The following STUM variants were observed in gnomAD, a reference collection of about 807,000 sequenced individuals.
STUM encodes stum, mechanosensory transduction mediator homolog.
STUM carries 8 observed loss-of-function variants against 15.3 expected under a neutral mutation model. That is an observed-to-expected ratio of 0.52 (90% CI 0.31 to 0.94). The LOEUF is 0.94. Ranked by LOEUF, STUM falls within the 40% of genes least tolerant of loss-of-function variation. STUM has a pLI of 0.05. For missense variants in STUM, 142 were observed against 204.9 expected, an observed-to-expected ratio of 0.69 and a Z score of 1.87; for synonymous variants, 78 against 88.7, an observed-to-expected ratio of 0.88 and a Z score of 0.68.
At position 226,555,089 on chromosome 1, in the gene STUM, C is replaced by G. The variant is rs192057940; in HGVS notation, c.202+5983C>G. Reference sequence around the variant, plus strand: ...TTTACTTGGCTTCTACAGCACTACTCCCTCCTAGTTTTCTTTTTACCTCAA... The same window carrying G: ...TTTACTTGGCTTCTACAGCACTACTGCCTCCTAGTTTTCTTTTTACCTCAA... On this transcript the variant is annotated intron_variant, in intron 1 of 3. Coordinates refer to ENST00000366788, the MANE Select transcript of STUM (RefSeq NM_001003665.4). Among the ~76,000 whole-genome samples the G allele has an allele frequency of 7.2e-5, 11 of 152,288 alleles. No individual in the cohort carries two copies. The East Asian group carries it at 2.1e-3, about 29-fold the overall frequency.
intron 1 of STUM, among the ~76,000 whole-genome samples, chr1:226,556,181 C>T (rs1031081034): frequency 3.3e-5 from 5 of 152,136 alleles, no homozygotes; most frequent in South Asian, 2.1e-4. Flanking sequence ...GGTCAGTTAA[C>T]GATGATACAG....
At position 226,606,088 on chromosome 1, in the gene STUM, C is replaced by T. The variant is rs1040249887; in HGVS notation, c.*4048C>T. 1 of 152,232 alleles carries T rather than the reference C, an allele frequency of 6.6e-6. No individual in the cohort carries two copies. Among genetic ancestry groups the T allele is most frequent in the Admixed American group, 6.5e-5 (1 of 15,292 alleles). 9.4% of individuals were successfully genotyped at this position (152,232 alleles called of 1,614,324 possible). The stretch of plus-strand genomic sequence containing the variant: ...TCCCCTGGAGGGCAAAGGGGTCCGG[C>T]TCTCAAAAAGAAAAGCCAGGCACAG... On this transcript the variant is annotated 3_prime_UTR_variant, in exon 4 of 4. Coordinates refer to ENST00000366788, the MANE Select transcript of STUM (RefSeq NM_001003665.4).
chr1:226,568,875 A>G (rs1246834259), intron 1 of STUM, among the ~76,000 whole-genome samples: 8 of 152,102 alleles, frequency 5.3e-5, no homozygotes, highest in Non-Finnish European at 8.8e-5. Context: ...CTCTAGAAGT[A>G]AGGATAAGCA....
chr1:226,600,757 A>T lies in STUM; in HGVS notation c.391+83A>T, dbSNP rs991187037. 4.1e-6 allele frequency: 6 copies of T among 1,454,594 alleles called. No homozygotes were observed. The African/African-American group carries it at 8.4e-5, about 20-fold the overall frequency. 90.1% of individuals were successfully genotyped at this position (1,454,594 alleles called of 1,614,324 possible). ...CCGAGACCCCCACTCCTGCACACAA[A>T]CACCCCACCCACTCTCCCAGTGGGT... On this transcript the variant is annotated intron_variant, in intron 3 of 3. Coordinates refer to ENST00000366788, the MANE Select transcript of STUM (RefSeq NM_001003665.4). The surrounding 1 kb of genome is among the most constrained non-coding windows in gnomAD (Gnocchi z 5.2).
intron 1 of STUM, among the ~76,000 whole-genome samples, chr1:226,560,174 A>G (rs553815325): frequency 6.6e-6 from 1 of 152,196 alleles, no homozygotes; most frequent in Non-Finnish European, 1.5e-5. Flanking sequence ...CACACAAAGT[A>G]TATGATTCAG....
intron 1 of STUM, among the ~76,000 whole-genome samples, chr1:226,569,300 T>C (rs1667669618): frequency 1.3e-5 from 2 of 152,226 alleles, no homozygotes; most frequent in Admixed American, 1.3e-4. Flanking sequence ...CTTATTATTA[T>C]TATCCTTAGA....
At chr1:226,577,942 T>C (rs1195875027) in intron 1 of STUM, among the ~76,000 whole-genome samples, 1 of 152,208 alleles carries the variant, frequency 6.6e-6, no homozygotes, top group Admixed American at 6.5e-5. Context: ...TGGGAGGGCC[T>C]GGCCTACCCT....
At chr1:226,589,719 C>CAGGAACAGCATGCG (rs1558285915) in intron 1 of STUM, among the ~76,000 whole-genome samples, 1 of 151,276 alleles carries the variant, frequency 6.6e-6, no homozygotes, top group African/African-American at 2.4e-5. Context: ...GCTGGGACCT[C>CAGGAACAGCATGCG]CAGGAACAGC....
intron 1 of STUM, among the ~76,000 whole-genome samples, chr1:226,560,873 C>T (rs946401942): frequency 6.6e-6 from 1 of 152,248 alleles, no homozygotes; most frequent in African/African-American, 2.4e-5. Context: ...CCATTGTCCA[C>T]TGAACCAAGT....
chr1:226,591,589 C>G (rs1668085931), intron 1 of STUM, among the ~76,000 whole-genome samples: 1 of 152,208 alleles, frequency 6.6e-6, no homozygotes, highest in Non-Finnish European at 1.5e-5. Context: ...CAAGAACAGG[C>G]AGGTACTCAG....
rs776251071 is a variant in STUM at position 226,596,810 on chromosome 1, G to C, written c.211G>C (p.Val71Leu). The C allele has an allele frequency of 6.2e-7, 1 of 1,610,500 alleles. No individual in the cohort carries two copies. The highest frequency in any genetic ancestry group is 1.7e-5 in the Admixed American group (1 of 59,948). ...CCTCTGGCCTCTCACAGGGACATTC[G>C]TCTCGGCCTTCACTGTGCTGTGCGG... ...NTFVPGLGTFVSAFTVLCGAR... is the reference protein window; with the variant it reads ...NTFVPGLGTFLSAFTVLCGAR... The change falls in exon 2 of 4, where the codon GTC becomes CTC. Residue 71 changes from valine (V) to leucine (L), a missense_variant. Physicochemically the swap from Val to Leu is conservative, Grantham distance 32. Transcript: ENST00000366788.
At chr1:226,591,168 TA>T (rs1668079496) in intron 1 of STUM, among the ~76,000 whole-genome samples, 1 of 152,246 alleles carries the variant, frequency 6.6e-6, no homozygotes, top group African/African-American at 2.4e-5. Context: ...CTGAAGAGAT[TA>T]AAACAGTTTT....
At chr1:226,564,308 A>G (rs993974754) in intron 1 of STUM, among the ~76,000 whole-genome samples, 1 of 152,188 alleles carries the variant, frequency 6.6e-6, no homozygotes, top group Admixed American at 6.5e-5. Context: ...TCCTCAGGAA[A>G]TGCTTGGAGG....
chr1:226,558,973 C>G (rs574805467), intron 1 of STUM, among the ~76,000 whole-genome samples: 27 of 152,156 alleles, frequency 1.8e-4, no homozygotes, highest in Non-Finnish European at 2.8e-4. Flanking sequence ...AATGACATTC[C>G]TAGGGGAAAG....
At chr1:226,557,550 C>T (rs910992715) in intron 1 of STUM, among the ~76,000 whole-genome samples, 27 of 152,198 alleles carry the variant, frequency 1.8e-4, no homozygotes, top group Non-Finnish European at 5.9e-5. Flanking sequence ...TTTGAGCCAT[C>T]TCCATACTAT....
intron 1 of STUM, among the ~76,000 whole-genome samples, chr1:226,587,219 C>T (rs758904877): frequency 1.3e-5 from 2 of 152,090 alleles, no homozygotes; most frequent in Non-Finnish European, 2.9e-5. Flanking sequence ...CCCGGCGCCA[C>T]TAAAATTAAT....
At position 226,595,873 on chromosome 1, in the gene STUM, T is replaced by A. The variant is rs563731967; in HGVS notation, c.203-929T>A. 2.6e-5 allele frequency among the ~76,000 whole-genome samples: 4 copies of A among 152,350 alleles called. No individual in the cohort carries two copies. In the South Asian group the frequency reaches 8.3e-4, roughly 32 times the overall value. ...AGAAGGACTCATCCCTGAGGACCCA[T>A]TGCAGACTCTTCTAACCTCCAGAAC... On this transcript the variant is annotated intron_variant, in intron 1 of 3. Coordinates refer to ENST00000366788, the MANE Select transcript of STUM (RefSeq NM_001003665.4).
chr1:226,560,905 C>T (rs779531250), intron 1 of STUM, among the ~76,000 whole-genome samples: 20 of 152,328 alleles, frequency 1.3e-4, no homozygotes, highest in African/African-American at 4.3e-4. Flanking sequence ...ATTGGACCCA[C>T]GAGGGTCCAG....
chr1:226,569,891 G>T (rs777206980), intron 1 of STUM, among the ~76,000 whole-genome samples: 27 of 152,204 alleles, frequency 1.8e-4, no homozygotes, highest in Admixed American at 7.2e-4. Flanking sequence ...GTTAGATTTG[G>T]TTTGAAGCAT....
Sources: gnomAD v4.1 joint callset for allele counts (sites outside exome capture counted in the v4.1 genomes callset) on GRCh38, gnomAD v4.1.1 for gene constraint, Gnocchi (gnomAD v3.1) non-coding constraint, MANE v1.5 for transcripts, NCBI Gene and HGNC (gene_info 2026-07-23, HGNC 2026-07-21) for gene names.